DIAPH2: variants seen among roughly 807,000 people sequenced by gnomAD.
DIAPH2 encodes protein diaphanous homolog 2.
A neutral mutation model predicts 92.7 loss-of-function variants in DIAPH2; 35 were observed. The observed-to-expected ratio is 0.38, with a 90% CI of 0.29 to 0.50. The LOEUF is 0.50. Ranked by LOEUF, DIAPH2 falls within the 20% of genes least tolerant of loss-of-function variation. The pLI is 0.94. For missense variants in DIAPH2, 701 were observed against 819.5 expected, an observed-to-expected ratio of 0.86 and a Z score of 1.77; for synonymous variants, 301 against 280.4, an observed-to-expected ratio of 1.07 and a Z score of -0.73.
intron 22 of DIAPH2, among the ~76,000 whole-genome samples, chrX:97,195,389 A>G (rs1254082783): frequency 9.0e-6 from 1 of 111,586 alleles, no homozygotes; most frequent in African/African-American, 3.3e-5. Flanking sequence ...GGCCAGGCGC[A>G]GTGGCTCATG....
In DIAPH2 at chrX:97,401,699, C is replaced by G. The variant is rs762440456; in HGVS notation, c.3145+17655C>G. Among the ~76,000 whole-genome samples, 11 of 111,738 alleles carry G rather than the reference C, an allele frequency of 9.8e-5. No homozygotes were observed. The East Asian group carries it at 3.1e-3, about 32-fold the overall frequency. ...AAACTGGGTGGGGGTAAGGGGACAG[C>G]AATCCATTTTCTAACAACCTCCCTA... On this transcript the variant is annotated intron_variant, in intron 25 of 26. Coordinates refer to ENST00000324765, the MANE Select transcript of DIAPH2 (RefSeq NM_006729.5).
At chrX:97,119,051 G>T (rs557913296) in intron 21 of DIAPH2, among the ~76,000 whole-genome samples, 16 of 111,204 alleles carry the variant, frequency 1.4e-4, no homozygotes, top group African/African-American at 4.9e-4. Context: ...TCTTTTTCAG[G>T]TAAATCAGGG....
chrX:96,836,100 AT>A (rs67599631), intron 4 of DIAPH2, among the ~76,000 whole-genome samples: 16,976 of 104,232 alleles, frequency 0.16, 1,200 homozygotes, highest in East Asian at 0.33. Context: ...CAAGCATGGA[AT>A]TTTTTTTTTT....
intron 26 of DIAPH2, among the ~76,000 whole-genome samples, chrX:97,567,112 GTTCA>G (rs756505779): frequency 6.3e-5 from 7 of 111,984 alleles, no homozygotes; most frequent in African/African-American, 2.3e-4. Flanking sequence ...AGAATATGAT[GTTCA>G]TTGTTTGTGA....
intron 10 of DIAPH2, among the ~76,000 whole-genome samples, chrX:96,933,383 G>A (rs1436012527): frequency 9.4e-6 from 1 of 105,851 alleles, no homozygotes; most frequent in African/African-American, 3.5e-5. Flanking sequence ...AGGCTAGAGT[G>A]CAGTGGCACA....
Position 97,099,686 on chromosome X carries a change from C to A in DIAPH2, c.2248-8C>A, listed in dbSNP as rs1007056555. On this transcript the variant is annotated splice_polypyrimidine_tract_variant and splice_region_variant and intron_variant, in intron 19 of 26. Transcript: ENST00000324765. ...ACACTAAACTTTTATACTTTTATTT[C>A]TTTTTAGAACCTTGTGAAACATCTT... The A allele has an allele frequency of 2.7e-6, 3 of 1,128,342 alleles. No individual in the cohort carries two copies. Among genetic ancestry groups the A allele is most frequent in the South Asian group, 2.1e-5 (1 of 46,634 alleles). 93.0% of individuals were successfully genotyped at this position (1,128,342 alleles called of 1,213,427 possible). A position where few individuals can be genotyped will look rare whatever the true frequency, so the allele number is the denominator to read the frequency against.
chrX:96,860,958 T>C (rs1405891189), intron 4 of DIAPH2, among the ~76,000 whole-genome samples: 1 of 111,452 alleles, frequency 9.0e-6, no homozygotes, highest in Non-Finnish European at 1.9e-5. Flanking sequence ...CTTTATGGGG[T>C]AAAAGGAAAA....
At position 97,293,243 on chromosome X, in the gene DIAPH2, CTTTTTTTTTTTTTT is replaced by C. The variant is rs1184478622; in HGVS notation, c.2844+45417_2844+45430del. Among the ~76,000 whole-genome samples the C allele has an allele frequency of 3.4e-3, 214 of 63,206 alleles. 1 individual carries two copies. Among genetic ancestry groups the C allele is most frequent in the African/African-American group, 0.012 (195 of 15,611 alleles). 54.9% of individuals were successfully genotyped at this position (63,206 alleles called of 115,157 possible). On this transcript the variant is annotated intron_variant, in intron 23 of 26. Transcript: ENST00000324765. The stretch of plus-strand genomic sequence containing the variant: ...GGCCTGTCTTTGTTGATATTTCTTT[CTTTTTTTTTTTTTT>C]TTTTTTTTTTTTGAGACGGAGTCTA...
chrX:96,960,812 T>C (rs1238514586), intron 16 of DIAPH2, among the ~76,000 whole-genome samples: 1 of 112,256 alleles, frequency 8.9e-6, no homozygotes, highest in African/African-American at 3.2e-5. Flanking sequence ...TGTGAAGGGA[T>C]GTTACATTTT....
intron 26 of DIAPH2, among the ~76,000 whole-genome samples, chrX:97,563,570 A>T (rs1056186315): frequency 8.9e-6 from 1 of 111,918 alleles, no homozygotes; most frequent in Non-Finnish European, 1.9e-5. Flanking sequence ...AAACTAAAGT[A>T]GGAGAGTTTG....
chrX:97,135,366 T>G lies in DIAPH2; in HGVS notation c.2590-6299T>G, dbSNP rs1268443376. 2.7e-5 allele frequency among the ~76,000 whole-genome samples: 3 copies of G among 110,316 alleles called. No individual in the cohort carries two copies. The East Asian group carries it at 8.5e-4, about 31-fold the overall frequency. ...GGCATGTGCCACCATGCCCGGCTAATTTTTGTTTTGTTTTGTTTTTTTGTA... is the reference window on the plus strand; with the variant it reads ...GGCATGTGCCACCATGCCCGGCTAAGTTTTGTTTTGTTTTGTTTTTTTGTA... On this transcript the variant is annotated intron_variant, in intron 21 of 26. Coordinates refer to ENST00000324765, the MANE Select transcript of DIAPH2 (RefSeq NM_006729.5).
chrX:97,428,396 G>T (rs2070092263), intron 25 of DIAPH2, among the ~76,000 whole-genome samples: 1 of 110,016 alleles, frequency 9.1e-6, no homozygotes, highest in South Asian at 4.0e-4. Context: ...AGGCGTGGTG[G>T]CGCACGCCTG....
chrX:96,961,296 G>A (rs2065845871), intron 16 of DIAPH2, among the ~76,000 whole-genome samples: 1 of 109,402 alleles, frequency 9.1e-6, no homozygotes, highest in Admixed American at 9.8e-5. Flanking sequence ...TTTTCAGCTT[G>A]TTAATGTATA....
chrX:97,369,372 C>T (rs1343038716), intron 24 of DIAPH2, among the ~76,000 whole-genome samples: 1 of 110,690 alleles, frequency 9.0e-6, no homozygotes, highest in African/African-American at 3.3e-5. Context: ...TGAAGCAGCC[C>T]TTGAAGTCTC....
chrX:97,134,005 T>C (rs1022626663), intron 21 of DIAPH2, among the ~76,000 whole-genome samples: 2 of 112,538 alleles, frequency 1.8e-5, no homozygotes, highest in African/African-American at 6.5e-5. Context: ...CAGATTTGCT[T>C]GAGCAGGAGT....
intron 25 of DIAPH2, among the ~76,000 whole-genome samples, chrX:97,393,584 A>G (rs1272025510): frequency 8.9e-6 from 1 of 111,781 alleles, no homozygotes; most frequent in African/African-American, 3.2e-5. Flanking sequence ...GGTCTAATCT[A>G]TGTTCTCCAA....
intron 23 of DIAPH2, among the ~76,000 whole-genome samples, chrX:97,276,528 T>G (rs2068453644): frequency 9.0e-6 from 1 of 111,269 alleles, no homozygotes; most frequent in African/African-American, 3.3e-5. Flanking sequence ...CCAATGAGTT[T>G]CCTTTGCTAA....
At chrX:97,510,439 T>C (rs1322052750) in intron 26 of DIAPH2, among the ~76,000 whole-genome samples, 2 of 111,451 alleles carry the variant, frequency 1.8e-5, no homozygotes, top group Non-Finnish European at 3.8e-5. Flanking sequence ...ATTGCGAAAA[T>C]TTTCTCCCAT....
At chrX:96,920,925 AGTTT>A (rs779827372) in intron 9 of DIAPH2, among the ~76,000 whole-genome samples, 1 of 112,454 alleles carries the variant, frequency 8.9e-6, no homozygotes, top group South Asian at 3.7e-4. Context: ...TTGTGAAGTG[AGTTT>A]GTTTATTTAG....
Sources: allele counts gnomAD v4.1 joint callset (sites outside exome capture counted in the v4.1 genomes callset), GRCh38; gene constraint gnomAD v4.1.1; transcripts MANE v1.5; gene names NCBI Gene and HGNC (gene_info 2026-07-23, HGNC 2026-07-21).